Variants in SEMA3E observed in about 807,000 individuals in gnomAD.
The protein encoded by SEMA3E is semaphorin 3E.
A neutral mutation model predicts 93.6 loss-of-function variants in SEMA3E; 49 were observed. That is an observed-to-expected ratio of 0.52 (90% CI 0.42 to 0.66). SEMA3E has a LOEUF of 0.66. SEMA3E is among the 30% of genes least tolerant of loss of function. The pLI is 0.00. For synonymous variants in SEMA3E, 363 were observed against 330.7 expected (o/e 1.10, Z -1.06); for missense variants, 906 against 964.8 (o/e 0.94, Z 0.81).
chr7:83,499,993 T>C (rs184096786), intron 1 of SEMA3E, among the ~76,000 whole-genome samples: 1 of 152,276 alleles, frequency 6.6e-6, no homozygotes, highest in African/African-American at 2.4e-5. Context: ...TTACCCAAAA[T>C]AGAGCACTTA....
chr7:83,526,660 T>A (rs1791166566), intron 1 of SEMA3E, among the ~76,000 whole-genome samples: 1 of 152,158 alleles, frequency 6.6e-6, no homozygotes, highest in Non-Finnish European at 1.5e-5. Context: ...ATTACACTCA[T>A]CCATGTGCTA....
At chr7:83,626,553 T>A (rs893505129) in intron 1 of SEMA3E, among the ~76,000 whole-genome samples, 3 of 152,188 alleles carry the variant, frequency 2.0e-5, no homozygotes, top group Non-Finnish European at 2.9e-5. Context: ...AGCAGTGATA[T>A]CCCCTTTATC....
In SEMA3E at chr7:83,396,736, G is replaced by T; in HGVS notation, c.1367-7C>A. On this transcript the variant is annotated splice_region_variant and splice_polypyrimidine_tract_variant and intron_variant, in intron 11 of 16. Transcript: ENST00000643230. ...TTCAGCACAATTCCATTATCTGTAA[G>T]AAAACAAAACAAGAAATAAACTAGA... is the stretch of plus-strand genomic sequence containing the variant. 1 of 1,568,614 alleles carries T rather than the reference G, an allele frequency of 6.4e-7. No homozygotes were observed. The highest frequency in any genetic ancestry group is 8.8e-7 in the Non-Finnish European group (1 of 1,142,622).
chr7:83,461,187 C>T (rs1789609142), intron 4 of SEMA3E, among the ~76,000 whole-genome samples: 1 of 152,148 alleles, frequency 6.6e-6, no homozygotes, highest in African/African-American at 2.4e-5. Context: ...TTCTTTTACA[C>T]ATCAGTCCCT....
intron 4 of SEMA3E, among the ~76,000 whole-genome samples, chr7:83,439,484 T>G (rs1232639553): frequency 1.3e-5 from 2 of 152,220 alleles, no homozygotes; most frequent in Non-Finnish European, 2.9e-5. Context: ...AAGGGCTTTT[T>G]GGTTGTTTCT....
rs768280710 is a variant in SEMA3E at position 83,384,355 on chromosome 7, C to G, written c.1875+939G>C. 1.3e-3 allele frequency among the ~76,000 whole-genome samples: 194 copies of G among 152,044 alleles called. 4 individuals are homozygous for G. Among genetic ancestry groups the G allele is most frequent in the Non-Finnish European group, 4.1e-4 (28 of 67,992 alleles). ...GATTCACTCTCTATCCAAAATGCAC[C>G]TATTACCTCTTCTCTGTAATAGAGA... On this transcript the variant is annotated intron_variant, in intron 16 of 16. Coordinates refer to ENST00000643230, the MANE Select transcript of SEMA3E (RefSeq NM_012431.3).
intron 16 of SEMA3E, 110 bp downstream of exon 16, chr7:83,385,184 T>C: frequency 8.9e-7 from 1 of 1,124,240 alleles, no homozygotes; most frequent in African/African-American, 1.5e-5. Flanking sequence ...AAATAAGGCA[T>C]GCATAGTACA....
At position 83,367,337 on chromosome 7, in the gene SEMA3E, ACAGTT is replaced by A; in HGVS notation, c.*244_*248del. ...CAGCCAAGTACTGAAAATAACAGCT[ACAGTT>A]GTTTTTTGATAAACATAATGAGAAA... On this transcript the variant is annotated 3_prime_UTR_variant, in exon 17 of 17. Transcript: ENST00000643230. 2.3e-6 allele frequency: 1 copy of A among 435,008 alleles called. No individual in the cohort carries two copies. 26.9% of individuals were successfully genotyped at this position (435,008 alleles called of 1,614,324 possible).
intron 1 of SEMA3E, among the ~76,000 whole-genome samples, chr7:83,560,516 G>T (rs1792009480): frequency 6.6e-6 from 1 of 151,944 alleles, no homozygotes; most frequent in Admixed American, 6.6e-5. Context: ...TGATTATATA[G>T]AATTTATTAT....
At chr7:83,419,768 A>G (rs1005823246) in intron 4 of SEMA3E, among the ~76,000 whole-genome samples, 2 of 103,948 alleles carry the variant, frequency 1.9e-5, no homozygotes, top group Admixed American at 2.3e-4. Flanking sequence ...CCACTCTTTA[A>G]TGGGGTTATC....
At chr7:83,569,499 A>G (rs1469215776) in intron 1 of SEMA3E, among the ~76,000 whole-genome samples, 1 of 152,178 alleles carries the variant, frequency 6.6e-6, no homozygotes, top group Non-Finnish European at 1.5e-5. Context: ...CCCATCTCAC[A>G]TGTAACAATA....
intron 4 of SEMA3E, among the ~76,000 whole-genome samples, chr7:83,422,012 T>C (rs905238814): frequency 6.6e-5 from 10 of 152,072 alleles, no homozygotes; most frequent in African/African-American, 1.7e-4. Context: ...ATCCAGTCTC[T>C]ACTAAAAATA....
intron 4 of SEMA3E, among the ~76,000 whole-genome samples, chr7:83,426,372 A>G (rs1011956898): frequency 4.8e-5 from 7 of 144,394 alleles, no homozygotes; most frequent in Admixed American, 7.2e-5. Context: ...TGATACATAT[A>G]CACCATGGAA....
intron 14 of SEMA3E, among the ~76,000 whole-genome samples, chr7:83,391,114 G>A (rs950905782): frequency 2.0e-5 from 3 of 151,960 alleles, no homozygotes; most frequent in Non-Finnish European, 4.4e-5. Flanking sequence ...CCCATGGTAC[G>A]GCATGCTTGT....
intron 1 of SEMA3E, among the ~76,000 whole-genome samples, chr7:83,565,800 C>T (rs986056749): frequency 6.6e-6 from 1 of 151,978 alleles, no homozygotes; most frequent in African/African-American, 2.4e-5. Flanking sequence ...AATTTTATGA[C>T]CTTCTTTGGA....
At chr7:83,617,079 T>C (rs1793386122) in intron 1 of SEMA3E, among the ~76,000 whole-genome samples, 1 of 152,132 alleles carries the variant, frequency 6.6e-6, no homozygotes, top group Admixed American at 6.6e-5. Context: ...TTGGTTACAA[T>C]ACCAAACTAT....
chr7:83,390,059 G>GTATACGTATA (rs1562758484), intron 14 of SEMA3E, among the ~76,000 whole-genome samples: 2 of 24,476 alleles, frequency 8.2e-5, no homozygotes, highest in Non-Finnish European at 3.0e-4. Context: ...GTATACGTGT[G>GTATACGTATA]CACATATATG....
chr7:83,401,243 C>A (rs967243818), intron 10 of SEMA3E, among the ~76,000 whole-genome samples: 3 of 152,010 alleles, frequency 2.0e-5, no homozygotes, highest in African/African-American at 7.2e-5. Context: ...AGTAACTGCT[C>A]CCTCGTTTTA....
At position 83,466,508 on chromosome 7, in the gene SEMA3E, A is replaced by G. The variant is rs1390387549; in HGVS notation, c.430T>C (p.Phe144Leu). Residue 144 changes from phenylalanine to leucine, a missense_variant, in exon 4 of 17, where the codon TTC (phenylalanine) becomes CTC (leucine). Coordinates refer to ENST00000643230, the MANE Select transcript of SEMA3E (RefSeq NM_012431.3). ...GTGAFDPVCA[F>L]IRVGYHLEDP... The stretch of plus-strand genomic sequence containing the variant: ...TCCAAATGATATCCAACTCTGATGA[A>G]GGCACAAACTGGATCAAAAGCTCCA... 1.9e-6 allele frequency: 3 copies of G among 1,614,054 alleles called. No homozygotes were observed. The highest frequency in any genetic ancestry group is 2.5e-6 in the Non-Finnish European group (3 of 1,179,972).
Sources: gnomAD v4.1 joint callset for allele counts (sites outside exome capture counted in the v4.1 genomes callset) on GRCh38, gnomAD v4.1.1 for gene constraint, MANE v1.5 for transcripts, NCBI Gene and HGNC (gene_info 2026-07-23, HGNC 2026-07-21) for gene names.